Variants in FER1L6 observed in about 807,000 individuals in gnomAD.
FER1L6 encodes the protein fer-1-like protein 6.
A neutral mutation model predicts 219.2 loss-of-function variants in FER1L6; 177 were observed. That is an observed-to-expected ratio of 0.81 (90% confidence interval 0.71 to 0.91). The LOEUF (loss-of-function observed/expected upper bound fraction) is 0.91, where lower values mean the gene tolerates loss of function less well. Ranked by LOEUF, FER1L6 falls within the 40% of genes least tolerant of loss-of-function variation. The pLI, the probability that FER1L6 is intolerant of heterozygous loss-of-function variation, is 0.00. For missense variants in FER1L6, 2,153 were observed against 2,259.9 expected (o/e 0.95, Z 0.96); for synonymous variants, 768 against 824.3 (o/e 0.93, Z 1.17).
chr8:124,118,702 GCAA>G (rs1029279670), intron 39 of FER1L6, 139 bp from the exon 40 acceptor site: 5 of 716,134 alleles, frequency 7.0e-6, no homozygotes, highest in African/African-American at 3.6e-5. Context: ...ACCAAAAAAA[GCAA>G]CAACATTTAT....
intron 17 of FER1L6, among the ~76,000 whole-genome samples, chr8:124,022,474 A>G (rs1367579967): frequency 6.6e-6 from 1 of 152,246 alleles, no homozygotes; most frequent in Non-Finnish European, 1.5e-5. Context: ...CCATAACATA[A>G]TGGGCCACTT....
intron 19 of FER1L6, among the ~76,000 whole-genome samples, chr8:124,037,822 C>G (rs1819286946): frequency 6.6e-6 from 1 of 152,104 alleles, no homozygotes; most frequent in Non-Finnish European, 1.5e-5. Flanking sequence ...AATCAGGGGT[C>G]AAGTCCTATA....
intron 1 of FER1L6, among the ~76,000 whole-genome samples, chr8:123,905,667 C>T (rs1423004789): frequency 1.3e-5 from 2 of 152,258 alleles, no homozygotes; most frequent in East Asian, 1.9e-4. Flanking sequence ...TCTGTCTAAA[C>T]CAACCTTAGT....
chr8:123,910,592 G>A (rs543084363), intron 1 of FER1L6, among the ~76,000 whole-genome samples: 2 of 150,354 alleles, frequency 1.3e-5, no homozygotes, highest in African/African-American at 2.4e-5. Context: ...TTTTTTTTGC[G>A]ACCAAAAAAC....
chr8:123,865,523 C>T (rs1816820081), intron 1 of FER1L6, among the ~76,000 whole-genome samples: 1 of 151,484 alleles, frequency 6.6e-6, no homozygotes, highest in Non-Finnish European at 1.5e-5. Context: ...TTTGAGCTTC[C>T]AGGCTGCTTT....
chr8:123,872,399 A>G (rs1019163082), intron 1 of FER1L6, among the ~76,000 whole-genome samples: 1 of 152,178 alleles, frequency 6.6e-6, no homozygotes, highest in East Asian at 1.9e-4. Context: ...ACTTCTTAAA[A>G]CTACGAAGGT....
intron 1 of FER1L6, among the ~76,000 whole-genome samples, chr8:123,872,470 G>C (rs189222974): frequency 3.9e-5 from 6 of 152,304 alleles, no homozygotes; most frequent in Non-Finnish European, 8.8e-5. Context: ...GTAGTTAAAT[G>C]TAATGGGGTG....
chr8:123,979,363 G>A (rs1816225151), intron 10 of FER1L6, among the ~76,000 whole-genome samples: 1 of 152,134 alleles, frequency 6.6e-6, no homozygotes, highest in Non-Finnish European at 1.5e-5. Flanking sequence ...TGGATTAGCT[G>A]GGGCTCAAAA....
In FER1L6 at chr8:123,971,585, C is replaced by T. The variant is rs140619648; in HGVS notation, c.447+1488C>T. Among the ~76,000 whole-genome samples the T allele has an allele frequency of 7.9e-4, 120 of 152,260 alleles. No homozygotes were observed. In the Middle Eastern group the frequency reaches 0.014, roughly 17 times the overall value. ...TTGCCTATCTCTGTTTCTCTAACTT[C>T]GAAGAAGAGAAGACTTTAGTGTCCC... is the stretch of plus-strand genomic sequence containing the variant. On this transcript the variant is annotated intron_variant, in intron 6 of 40. Coordinates refer to ENST00000522917, the MANE Select transcript of FER1L6 (RefSeq NM_001039112.2).
intron 22 of FER1L6, among the ~76,000 whole-genome samples, chr8:124,054,544 C>T (rs1820196238): frequency 1.3e-5 from 2 of 152,082 alleles, no homozygotes; most frequent in Non-Finnish European, 1.5e-5. Context: ...CATAGGAGAC[C>T]GTCACATTTC....
chr8:123,875,278 T>C (rs190761482), intron 1 of FER1L6, among the ~76,000 whole-genome samples: 10 of 152,348 alleles, frequency 6.6e-5, no homozygotes, highest in Admixed American at 5.2e-4. Flanking sequence ...AATTCTCTCT[T>C]GAATCAACTC....
At chr8:123,854,575 C>T (rs1359252634) in intron 1 of FER1L6, among the ~76,000 whole-genome samples, 2 of 152,194 alleles carry the variant, frequency 1.3e-5, no homozygotes, top group Admixed American at 1.3e-4. Context: ...GAGGTGTTCC[C>T]ATTTCAGGAA....
At chr8:123,872,160 T>G (rs1196228607) in intron 1 of FER1L6, among the ~76,000 whole-genome samples, 1 of 152,144 alleles carries the variant, frequency 6.6e-6, no homozygotes, top group Non-Finnish European at 1.5e-5. Flanking sequence ...GAGAATTTAC[T>G]ATCATGAGGA....
chr8:124,056,327 G>A (rs926182065), intron 22 of FER1L6, among the ~76,000 whole-genome samples: 25 of 152,178 alleles, frequency 1.6e-4, no homozygotes, highest in African/African-American at 5.8e-4. Context: ...CCTCCCCTAC[G>A]GTTGTGCACT....
At chr8:123,875,020 TC>T (rs1816982854) in intron 1 of FER1L6, among the ~76,000 whole-genome samples, 1 of 151,806 alleles carries the variant, frequency 6.6e-6, no homozygotes, top group Non-Finnish European at 1.5e-5. Context: ...CATGGTGAAA[TC>T]CCGTCTCCAC....
intron 1 of FER1L6, among the ~76,000 whole-genome samples, chr8:123,950,705 T>G (rs1394487633): frequency 6.6e-6 from 1 of 152,188 alleles, no homozygotes; most frequent in Non-Finnish European, 1.5e-5. Flanking sequence ...GGGACTATAA[T>G]GTACAAAATT....
At chr8:124,019,021 T>A (rs774502828) in intron 16 of FER1L6, among the ~76,000 whole-genome samples, 6 of 152,228 alleles carry the variant, frequency 3.9e-5, no homozygotes, top group Non-Finnish European at 7.3e-5. Context: ...CTTCCTCTAA[T>A]CCATCTTCTG....
chr8:124,079,807 G>A (rs1821459633), intron 32 of FER1L6, among the ~76,000 whole-genome samples: 1 of 152,178 alleles, frequency 6.6e-6, no homozygotes, highest in Non-Finnish European at 1.5e-5. Context: ...ACCTGGTTGG[G>A]AAAATGGCTA....
intron 31 of FER1L6, among the ~76,000 whole-genome samples, chr8:124,073,740 T>A (rs1472241117): frequency 1.3e-5 from 2 of 152,190 alleles, no homozygotes; most frequent in African/African-American, 4.8e-5. Flanking sequence ...ATGAACAAGA[T>A]AAACAGTGCC....
Sources: gnomAD v4.1 joint callset for allele counts (sites outside exome capture counted in the v4.1 genomes callset) on GRCh38, gnomAD v4.1.1 for gene constraint, MANE v1.5 for transcripts, NCBI Gene and HGNC (gene_info 2026-07-23, HGNC 2026-07-21) for gene names.